DNAJC10: variants seen among roughly 807,000 people sequenced by gnomAD.
DNAJC10 encodes endoplasmic reticulum disulfide reductase DNAJC10.
Under a neutral mutation model 115.0 loss-of-function variants are expected in DNAJC10, and 101 were observed. The ratio of observed to expected loss-of-function variants is 0.88; its 90% CI spans 0.75 to 1.04. The LOEUF is 1.04. Ranked by LOEUF, DNAJC10 falls within the 50% of genes least tolerant of loss-of-function variation. The pLI is 0.00. For synonymous variants in DNAJC10, 307 were observed against 301.5 expected (o/e 1.02, Z -0.19); for missense variants, 981 against 928.8 (o/e 1.06, Z -0.73).
intron 22 of DNAJC10, among the ~76,000 whole-genome samples, chr2:182,771,311 G>A (rs1160212505): frequency 6.6e-6 from 1 of 152,150 alleles, no homozygotes; most frequent in African/African-American, 2.4e-5. Flanking sequence ...GTCTCTGCCA[G>A]GCTTTGGTAT....
intron 11 of DNAJC10, among the ~76,000 whole-genome samples, chr2:182,737,126 C>A (rs931159521): frequency 2.6e-5 from 4 of 152,114 alleles, no homozygotes; most frequent in African/African-American, 9.7e-5. Context: ...TTCTAAAGCA[C>A]CCCGTGGGAT....
rs760353484 is a variant in DNAJC10, at chr2:182,731,126, T to G, written c.805+19T>G. On this transcript the variant is annotated intron_variant, in intron 9 of 23. Transcript: ENST00000264065. The stretch of plus-strand genomic sequence containing the variant: ...GGAGGAGGTAATACTATTTTTTAAT[T>G]TTGTTGGAATGAGAACATGACATTT... 2 of 1,576,850 alleles carry G rather than the reference T, an allele frequency of 1.3e-6. No individual in the cohort carries two copies. Among genetic ancestry groups the G allele is most frequent in the Non-Finnish European group, 1.7e-6 (2 of 1,150,958 alleles).
intron 14 of DNAJC10, among the ~76,000 whole-genome samples, chr2:182,748,429 A>G (rs1693927293): frequency 6.6e-6 from 1 of 152,130 alleles, no homozygotes. Flanking sequence ...GTCTATTCAG[A>G]GATTCAACTT....
rs1260680551 is a variant in DNAJC10 at position 182,786,962 on chromosome 2, G to A, written c.*9830G>A. 6.6e-6 allele frequency: 1 copy of A among 152,132 alleles called. No individual in the cohort carries two copies. Among genetic ancestry groups the A allele is most frequent in the South Asian group, 2.1e-4 (1 of 4,826 alleles). 9.4% of individuals were successfully genotyped at this position (152,132 alleles called of 1,614,324 possible). On this transcript the variant is annotated 3_prime_UTR_variant, in exon 24 of 24. Coordinates refer to ENST00000264065, the MANE Select transcript of DNAJC10 (RefSeq NM_018981.4). ...CCCCAGTATCTTGCTCGTCCCTTCT[G>A]CCATGGGAGAACACGGTGAGAGCGA...
rs959076959 is a variant in DNAJC10, at chr2:182,792,984, G to A, written c.*15852G>A. On this transcript the variant is annotated 3_prime_UTR_variant, in exon 24 of 24. Transcript: ENST00000264065. ...GATGTGCTGTGAAATAAAGAAAAAGGTAGACCAGGGTATGAGGGATTAGGA... is the reference window on the plus strand; with the variant it reads ...GATGTGCTGTGAAATAAAGAAAAAGATAGACCAGGGTATGAGGGATTAGGA... The A allele has an allele frequency of 6.6e-6, 1 of 152,210 alleles. No individual in the cohort carries two copies. The highest frequency in any genetic ancestry group is 1.5e-5 in the Non-Finnish European group (1 of 68,036). The allele number at this position is 152,210 out of a possible 1,614,324, so 9.4% of individuals were successfully genotyped here. A position where few individuals can be genotyped will look rare whatever the true frequency, so the allele number is the denominator to read the frequency against.
chr2:182,780,237 C>G lies in DNAJC10; in HGVS notation c.*3105C>G, dbSNP rs1425585245. On this transcript the variant is annotated 3_prime_UTR_variant, in exon 24 of 24. Coordinates refer to ENST00000264065, the MANE Select transcript of DNAJC10 (RefSeq NM_018981.4). The stretch of plus-strand genomic sequence containing the variant: ...TGATCCCCAGTGTTGGATATGGGGC[C>G]TGGTGGGAGGTGTTTGGGTGATGGG... The G allele has an allele frequency of 6.6e-6, 1 of 152,104 alleles. No homozygotes were observed. The highest frequency in any genetic ancestry group is 1.5e-5 in the Non-Finnish European group (1 of 68,042). 9.4% of individuals were successfully genotyped at this position (152,104 alleles called of 1,614,324 possible).
chr2:182,762,518 A>AG (rs924186645), intron 21 of DNAJC10, among the ~76,000 whole-genome samples, 164 bp from the exon 22 acceptor site: 21 of 152,124 alleles, frequency 1.4e-4, no homozygotes, highest in African/African-American at 4.8e-4. Flanking sequence ...CTAGGTGAAT[A>AG]GGGGCTTAAA....
chr2:182,770,401 T>C (rs1220901754), intron 22 of DNAJC10, among the ~76,000 whole-genome samples: 4 of 152,354 alleles, frequency 2.6e-5, no homozygotes, highest in African/African-American at 4.8e-5. Context: ...TAAATTACTT[T>C]GGGCAGTATG....
chr2:182,743,199 G>A (rs973282579), intron 13 of DNAJC10, among the ~76,000 whole-genome samples: 5 of 152,004 alleles, frequency 3.3e-5, no homozygotes, highest in Non-Finnish European at 7.4e-5. Context: ...TTTGTTCCTG[G>A]TTTATATTTG....
At chr2:182,762,376 G>A (rs564871872) in intron 21 of DNAJC10, among the ~76,000 whole-genome samples, 2 of 152,132 alleles carry the variant, frequency 1.3e-5, no homozygotes, top group African/African-American at 2.4e-5. Flanking sequence ...GAAAAAGATA[G>A]AAACAGAAAC....
At position 182,762,741 on chromosome 2, in the gene DNAJC10, C is replaced by A; in HGVS notation, c.2205C>A (p.Cys735Ter). 6.2e-7 allele frequency: 1 copy of A among 1,612,500 alleles called. No individual in the cohort carries two copies. The highest frequency in any genetic ancestry group is 8.5e-7 in the Non-Finnish European group (1 of 1,178,858). The stretch of plus-strand genomic sequence containing the variant: ...ACTGTCAGGCTTATGCTCAGACATG[C>A]CAGAAAGCTGGGATCAGGGCCTATC... Reference protein sequence around the residue: ...KVDCQAYAQTCQKAGIRAYPT... With the variant: ...KVDCQAYAQT Residue 735 changes from cysteine (C) to a stop codon, truncating the protein, a stop_gained, in exon 22 of 24, where the codon TGC becomes TGA. Transcript: ENST00000264065. LOFTEE classifies it high-confidence loss of function.
Position 182,784,472 on chromosome 2 carries a change from GCA to G in DNAJC10, c.*7343_*7344del, listed in dbSNP as rs1389229484. ...TTCCCTGCAGTGTTGGCAGAACCTAGCACATTGTTGACCCGTAGAAGCACAGT... is the reference window on the plus strand; with the variant it reads ...TTCCCTGCAGTGTTGGCAGAACCTAGCATTGTTGACCCGTAGAAGCACAGT... On this transcript the variant is annotated 3_prime_UTR_variant, in exon 24 of 24. Coordinates refer to ENST00000264065, the MANE Select transcript of DNAJC10 (RefSeq NM_018981.4). 2.0e-5 allele frequency: 3 copies of G among 152,128 alleles called. No individual in the cohort carries two copies. Among genetic ancestry groups the G allele is most frequent in the Non-Finnish European group, 2.9e-5 (2 of 68,020 alleles). 9.4% of individuals were successfully genotyped at this position (152,128 alleles called of 1,614,324 possible).
intron 14 of DNAJC10, among the ~76,000 whole-genome samples, chr2:182,744,672 C>T (rs746851214): frequency 2.0e-5 from 3 of 151,980 alleles, no homozygotes; most frequent in Non-Finnish European, 2.9e-5. Flanking sequence ...GCCTTGCATA[C>T]GTGATTCATT....
chr2:182,725,518 A>G (rs1693260993), intron 5 of DNAJC10, among the ~76,000 whole-genome samples: 1 of 152,242 alleles, frequency 6.6e-6, no homozygotes, highest in Admixed American at 6.5e-5. Flanking sequence ...AAACAGCCAT[A>G]CTGCTAACAT....
intron 22 of DNAJC10, among the ~76,000 whole-genome samples, chr2:182,763,510 G>T (rs1269133746): frequency 6.6e-6 from 1 of 151,988 alleles, no homozygotes; most frequent in Non-Finnish European, 1.5e-5. Context: ...CCACTAGATG[G>T]CTTGAGGTCC....
At chr2:182,767,057 T>C (rs1694431085) in intron 22 of DNAJC10, among the ~76,000 whole-genome samples, 1 of 152,122 alleles carries the variant, frequency 6.6e-6, no homozygotes, top group South Asian at 2.1e-4. Context: ...GTTCCTGTTT[T>C]TCCTCACTAG....
chr2:182,768,231 C>T (rs1369629043), intron 22 of DNAJC10, among the ~76,000 whole-genome samples: 1 of 152,072 alleles, frequency 6.6e-6, no homozygotes, highest in African/African-American at 2.4e-5. Context: ...CAGCTTATAT[C>T]AGAGCCTGAG....
Position 182,777,501 on chromosome 2 carries a change from T to C in DNAJC10, c.*369T>C. On this transcript the variant is annotated 3_prime_UTR_variant, in exon 24 of 24. Coordinates refer to ENST00000264065, the MANE Select transcript of DNAJC10 (RefSeq NM_018981.4). Reference sequence around the variant, plus strand: ...TCAGTCCATGGACCATAGATTGCTGTCCCCCTCGACGGACTTATAATGTTT... The same window carrying C: ...TCAGTCCATGGACCATAGATTGCTGCCCCCCTCGACGGACTTATAATGTTT... The C allele has an allele frequency of 6.3e-6, 1 of 157,638 alleles. No homozygotes were observed. 9.8% of individuals were successfully genotyped at this position (157,638 alleles called of 1,614,324 possible).
intron 23 of DNAJC10, among the ~76,000 whole-genome samples, chr2:182,776,314 C>G (rs536941837): frequency 2.6e-4 from 40 of 152,290 alleles, no homozygotes; most frequent in Non-Finnish European, 3.7e-4. Context: ...GTGTTGGCCC[C>G]TCTTTGAATC....
Sources: gnomAD v4.1 joint callset for allele counts (sites outside exome capture counted in the v4.1 genomes callset) on GRCh38, gnomAD v4.1.1 for gene constraint, MANE v1.5 for transcripts, NCBI Gene and HGNC (gene_info 2026-07-23, HGNC 2026-07-21) for gene names.